EEPD1: variants seen among roughly 807,000 people sequenced by gnomAD.
EEPD1 encodes the protein endonuclease/exonuclease/phosphatase family domain-containing protein 1.
Under a neutral mutation model 46.3 loss-of-function variants are expected in EEPD1, and 17 were observed. The observed-to-expected ratio is 0.37, with a 90% confidence interval of 0.25 to 0.55. The LOEUF (loss-of-function observed/expected upper bound fraction) is 0.55, where lower values mean the gene tolerates loss of function less well. Among genes scored for constraint, EEPD1 ranks in the 20% least tolerant of loss-of-function variants. The pLI, the probability that EEPD1 is intolerant of heterozygous loss-of-function variation, is 0.83. For missense variants in EEPD1, 673 were observed against 745.6 expected (o/e 0.90, Z 1.13); for synonymous variants, 313 against 315.6 (o/e 0.99, Z 0.09).
At chr7:36,214,776 C>A (rs1786000085) in intron 2 of EEPD1, among the ~76,000 whole-genome samples, 1 of 152,224 alleles carries the variant, frequency 6.6e-6, no homozygotes, top group Admixed American at 6.5e-5. Flanking sequence ...GCAGGAGCTT[C>A]CCAGCAGGAA....
At chr7:36,265,630 C>T (rs1033235619) in intron 3 of EEPD1, among the ~76,000 whole-genome samples, 4 of 152,094 alleles carry the variant, frequency 2.6e-5, no homozygotes, top group Non-Finnish European at 4.4e-5. Flanking sequence ...CGTCCCTACC[C>T]TTTCTGTTGC....
chr7:36,204,228 G>A (rs1181189552), intron 2 of EEPD1, among the ~76,000 whole-genome samples: 1 of 151,736 alleles, frequency 6.6e-6, no homozygotes, highest in Non-Finnish European at 1.5e-5. Flanking sequence ...TGGAGAGAGG[G>A]TCTCACTATG....
intron 3 of EEPD1, among the ~76,000 whole-genome samples, chr7:36,267,229 G>A (rs535726836): frequency 5.9e-5 from 9 of 152,264 alleles, no homozygotes; most frequent in South Asian, 2.1e-4. Flanking sequence ...ATAGCCCCAT[G>A]GACTTTTCAA....
chr7:36,170,077 C>T (rs2115624873), intron 2 of EEPD1, among the ~76,000 whole-genome samples: 1 of 152,300 alleles, frequency 6.6e-6, no homozygotes, highest in Admixed American at 6.5e-5. Flanking sequence ...TTGCTGCCGG[C>T]ATCCACAAAT....
chr7:36,234,446 C>T (rs545920439), intron 2 of EEPD1, among the ~76,000 whole-genome samples: 7 of 152,098 alleles, frequency 4.6e-5, no homozygotes, highest in African/African-American at 1.2e-4. Flanking sequence ...CTGAGGGAGG[C>T]GAATCGCTTG....
intron 3 of EEPD1, among the ~76,000 whole-genome samples, chr7:36,254,756 G>A (rs1052476944): frequency 6.6e-6 from 1 of 152,204 alleles, no homozygotes; most frequent in Non-Finnish European, 1.5e-5. Context: ...CCCATCAACA[G>A]TGTAAAAGCA....
At chr7:36,172,605 A>G (rs968999147) in intron 2 of EEPD1, among the ~76,000 whole-genome samples, 43 of 145,722 alleles carry the variant, frequency 3.0e-4, no homozygotes, top group African/African-American at 1.0e-3. Context: ...AAACTTTCTT[A>G]AAATATTATG....
At chr7:36,198,907 G>A (rs576706185) in intron 2 of EEPD1, among the ~76,000 whole-genome samples, 2 of 152,022 alleles carry the variant, frequency 1.3e-5, no homozygotes, top group African/African-American at 4.8e-5. Context: ...CAGTGCAGCT[G>A]GTGGGAGGAG....
intron 6 of EEPD1, 148 bp downstream of exon 6, chr7:36,287,925 A>C (rs1464086960): frequency 4.5e-4 from 511 of 1,133,310 alleles, no homozygotes; most frequent in Middle Eastern, 9.2e-4. Flanking sequence ...CTGGCATCTC[A>C]TGGAGCCCAG....
chr7:36,197,270 GC>G (rs1346276284), intron 2 of EEPD1, among the ~76,000 whole-genome samples: 14 of 142,502 alleles, frequency 9.8e-5, no homozygotes, highest in African/African-American at 3.9e-4. Context: ...CCGGGCAGCC[GC>G]CCCGTCCGGG....
At chr7:36,233,557 G>C (rs183395161) in intron 2 of EEPD1, among the ~76,000 whole-genome samples, 1 of 152,256 alleles carries the variant, frequency 6.6e-6, no homozygotes, top group Non-Finnish European at 1.5e-5. Flanking sequence ...TTCCACGCTT[G>C]TTGGGAGGAG....
intron 2 of EEPD1, among the ~76,000 whole-genome samples, chr7:36,199,368 C>T (rs138730039): frequency 2.6e-5 from 4 of 152,130 alleles, no homozygotes; most frequent in Non-Finnish European, 4.4e-5. Context: ...ACCTGCCCCC[C>T]CTTTAGAATT....
chr7:36,298,366 C>T (rs10279027), intron 7 of EEPD1, among the ~76,000 whole-genome samples: 2,173 of 152,298 alleles, frequency 0.014, 47 homozygotes, highest in African/African-American at 0.049. Flanking sequence ...GAATGGTCAG[C>T]AGTGTGTGCC....
chr7:36,273,552 A>C (rs775819278), intron 3 of EEPD1, among the ~76,000 whole-genome samples: 1 of 152,116 alleles, frequency 6.6e-6, no homozygotes, highest in Non-Finnish European at 1.5e-5. Flanking sequence ...CTTTAGGTGG[A>C]GCTCACATGG....
chr7:36,247,599 A>T (rs561407505), intron 3 of EEPD1, among the ~76,000 whole-genome samples: 1 of 152,318 alleles, frequency 6.6e-6, no homozygotes, highest in East Asian at 1.9e-4. Context: ...CAACCCTGTC[A>T]TTTTGCAGAC....
rs768898390 is a variant in EEPD1 at position 36,272,503 on chromosome 7, G to GTTTTTTT, written c.931-8610_931-8609insTTTTTTT. 2.0e-3 allele frequency among the ~76,000 whole-genome samples: 246 copies of GTTTTTTT among 122,608 alleles called. 2 individuals carry two copies. Among genetic ancestry groups the GTTTTTTT allele is most frequent in the Middle Eastern group, 0.013 (3 of 238 alleles). The allele number at this position is 122,608 out of a possible 152,430, so 80.4% of individuals were successfully genotyped here. On this transcript the variant is annotated intron_variant, in intron 3 of 7. Transcript: ENST00000242108. ...TGCAAGGTTTTTCTGGTTTTTTGTT[G>GTTTTTTT]TTGTTTTTTTTTTTTTTTTGTGCTC...
chr7:36,218,417 A>G (rs1278675108), intron 2 of EEPD1, among the ~76,000 whole-genome samples: 15 of 152,118 alleles, frequency 9.9e-5, no homozygotes, highest in Non-Finnish European at 1.9e-4. Flanking sequence ...AAATTATAAC[A>G]ATAGACTGTA....
At position 36,153,487 on chromosome 7, in the gene EEPD1, T is replaced by A. The variant is rs1399850963; in HGVS notation, c.-380T>A. ...TTCACTCTGGGAGAGCGATGCTAAG[T>A]TTCTCCCATAGAAAGAGCCGGGACA... On this transcript the variant is annotated 5_prime_UTR_variant, in exon 1 of 8. Transcript: ENST00000242108. 6.6e-6 allele frequency: 1 copy of A among 152,110 alleles called. No homozygotes were observed. Among genetic ancestry groups the A allele is most frequent in the East Asian group, 1.9e-4 (1 of 5,176 alleles). 9.4% of individuals were successfully genotyped at this position (152,110 alleles called of 1,614,324 possible).
At chr7:36,233,306 C>T (rs1786370506) in intron 2 of EEPD1, among the ~76,000 whole-genome samples, 1 of 152,352 alleles carries the variant, frequency 6.6e-6, no homozygotes, top group Admixed American at 6.5e-5. Context: ...TAGTACCTTT[C>T]AACAAGGGAG....
Sources: allele counts gnomAD v4.1 joint callset (sites outside exome capture counted in the v4.1 genomes callset), GRCh38; gene constraint gnomAD v4.1.1; transcripts MANE v1.5; gene names NCBI Gene and HGNC (gene_info 2026-07-23, HGNC 2026-07-21).